The following MYO10 variants were observed in gnomAD, a reference collection of about 807,000 sequenced individuals.
MYO10 encodes the protein unconventional myosin-X.
MYO10 carries 133 observed loss-of-function variants against 257.3 expected under a neutral mutation model. The observed-to-expected ratio is 0.52, with a 90% confidence interval of 0.45 to 0.60. The LOEUF (loss-of-function observed/expected upper bound fraction) is 0.60. Among genes scored for constraint, MYO10 ranks in the 20% least tolerant of loss-of-function variants. MYO10 has a pLI of 0.00. For missense variants in MYO10, 2,399 were observed against 2,635.7 expected, an observed-to-expected ratio of 0.91 and a Z score of 1.97; for synonymous variants, 1,104 against 1,028.6, an observed-to-expected ratio of 1.07 and a Z score of -1.40.
chr5:16,771,543 A>G (rs1012663373), intron 9 of MYO10, among the ~76,000 whole-genome samples: 1 of 133,844 alleles, frequency 7.5e-6, no homozygotes, highest in African/African-American at 2.8e-5. Context: ...ACTTACTATT[A>G]TGATTTATTA....
chr5:16,905,910 T>C (rs936958005), intron 1 of MYO10, among the ~76,000 whole-genome samples: 2 of 152,102 alleles, frequency 1.3e-5, no homozygotes, highest in African/African-American at 4.8e-5. Context: ...CACTCAGTAA[T>C]TGCTAAGTCC....
intron 3 of MYO10, among the ~76,000 whole-genome samples, chr5:16,809,512 A>G (rs1218820859): frequency 6.6e-6 from 1 of 152,244 alleles, no homozygotes; most frequent in Non-Finnish European, 1.5e-5. Context: ...ACTTCCCTGC[A>G]GGTGAACTCT....
chr5:16,749,905 C>A (rs985443069), intron 19 of MYO10, among the ~76,000 whole-genome samples: 1 of 152,186 alleles, frequency 6.6e-6, no homozygotes, highest in Admixed American at 6.5e-5. Flanking sequence ...TAATGAGAGA[C>A]TTTTCTGCCT....
intron 6 of MYO10, among the ~76,000 whole-genome samples, chr5:16,781,343 G>C (rs1286462166): frequency 3.3e-5 from 5 of 152,154 alleles, no homozygotes; most frequent in African/African-American, 1.2e-4. Flanking sequence ...GCCTCCCACA[G>C]TGCTGGGATT....
At chr5:16,789,714 A>G (rs1265457083) in intron 4 of MYO10, among the ~76,000 whole-genome samples, 1 of 152,152 alleles carries the variant, frequency 6.6e-6, no homozygotes, top group Non-Finnish European at 1.5e-5. Context: ...AATTGCTTGA[A>G]CTTGGGAGGA....
At position 16,675,092 on chromosome 5, in the gene MYO10, G is replaced by A. The variant is rs537112555; in HGVS notation, c.4725C>T (p.Ser1575=). Reference sequence around the variant, plus strand: ...CAGACATGGACTCCAGTTGCTGCAGGGAATTGAATATCTTGATGGCCTCAT... The same window carrying A: ...CAGACATGGACTCCAGTTGCTGCAGAGAATTGAATATCTTGATGGCCTCAT... ...LQDEAIKIFN[S]LQQLESMSDP... The change falls in exon 35 of 41, where the codon TCC becomes TCT. Residue 1575 remains serine (S), a synonymous_variant. Transcript: ENST00000513610. 3.7e-6 allele frequency: 6 copies of A among 1,613,954 alleles called. No individual in the cohort carries two copies. The highest frequency in any genetic ancestry group is 3.3e-5 in the Admixed American group (2 of 60,018).
intron 29 of MYO10, among the ~76,000 whole-genome samples, chr5:16,684,950 G>A (rs1256110508): frequency 2.0e-5 from 3 of 152,100 alleles, no homozygotes; most frequent in African/African-American, 7.2e-5. Context: ...GGGAGGCTGA[G>A]GCAGGAGAAT....
Position 16,674,994 on chromosome 5 carries a change from C to G in MYO10, c.4823G>C (p.Cys1608Ser). 4.3e-6 allele frequency: 7 copies of G among 1,613,966 alleles called. No individual in the cohort carries two copies. The highest frequency in any genetic ancestry group is 5.9e-6 in the Non-Finnish European group (7 of 1,179,904). ...TTTGTTGGTCTGTTTGATAAGCTGG[C>G]AGTACAGCTCGTCCCGCAGAGGTCG... Reference protein sequence around the residue: ...DLRPLRDELYCQLIKQTNKVP... With the variant: ...DLRPLRDELYSQLIKQTNKVP... The change falls in exon 35 of 41, where the codon TGC becomes TCC. Residue 1608 changes from cysteine (C) to serine (S), a missense_variant. This residue lies in a region of MYO10 where 1,820 missense variants were observed against 1,939.4 expected (regional missense o/e 0.94). Coordinates refer to ENST00000513610, the MANE Select transcript of MYO10 (RefSeq NM_012334.3).
chr5:16,825,710 G>A (rs116481200), intron 2 of MYO10, among the ~76,000 whole-genome samples: 1,929 of 152,324 alleles, frequency 0.013, 43 homozygotes, highest in African/African-American at 0.044. Flanking sequence ...ACAGCCGGAT[G>A]CAGTGGCATA....
intron 1 of MYO10, among the ~76,000 whole-genome samples, chr5:16,928,369 A>G (rs1746195618): frequency 6.6e-6 from 1 of 151,912 alleles, no homozygotes; most frequent in Non-Finnish European, 1.5e-5. Flanking sequence ...TAATTTTTGG[A>G]TTTTATTAGA....
chr5:16,693,282 C>A (rs1046007998), intron 27 of MYO10, among the ~76,000 whole-genome samples: 5 of 152,132 alleles, frequency 3.3e-5, no homozygotes, highest in African/African-American at 1.2e-4. Flanking sequence ...ATCAATTGAT[C>A]TATAGACAGA....
At chr5:16,872,734 G>A (rs893964936) in intron 2 of MYO10, among the ~76,000 whole-genome samples, 32 of 152,164 alleles carry the variant, frequency 2.1e-4, no homozygotes, top group African/African-American at 6.3e-4. Context: ...GGCAGGAAGC[G>A]AAAGGCACTT....
At chr5:16,685,686 C>A in intron 29 of MYO10, 52 bp downstream of exon 29, 1 of 1,249,328 alleles carries the variant, frequency 8.0e-7, no homozygotes, top group Non-Finnish European at 1.1e-6. Context: ...TGACGCCCTC[C>A]CCGTCCCTGC....
intron 4 of MYO10, 98 bp from the exon 5 acceptor site, chr5:16,783,567 GT>G: frequency 2.3e-6 from 3 of 1,300,032 alleles, no homozygotes; most frequent in Non-Finnish European, 3.2e-6. Flanking sequence ...CAGAACAATG[GT>G]AGAAAGGTGG....
intron 2 of MYO10, among the ~76,000 whole-genome samples, chr5:16,863,251 G>A (rs1448819060): frequency 1.3e-5 from 2 of 152,228 alleles, no homozygotes; most frequent in African/African-American, 2.4e-5. Flanking sequence ...CCAGTAAATA[G>A]TCCTAACAGA....
intron 19 of MYO10, among the ~76,000 whole-genome samples, chr5:16,715,831 G>A (rs1323054288): frequency 6.6e-6 from 1 of 152,076 alleles, no homozygotes; most frequent in African/African-American, 2.4e-5. Context: ...CGAGGCAGGT[G>A]GATCACCTGA....
At chr5:16,773,676 A>G (rs1741123105) in intron 9 of MYO10, among the ~76,000 whole-genome samples, 1 of 151,826 alleles carries the variant, frequency 6.6e-6, no homozygotes, top group Non-Finnish European at 1.5e-5. Flanking sequence ...AAAAAAAAAA[A>G]AAGTGAAATA....
chr5:16,906,275 G>A (rs527697881), intron 1 of MYO10, among the ~76,000 whole-genome samples: 1 of 152,284 alleles, frequency 6.6e-6, no homozygotes, highest in East Asian at 1.9e-4. Flanking sequence ...CTCCTAGGAT[G>A]AAAAGAATTT....
intron 2 of MYO10, among the ~76,000 whole-genome samples, chr5:16,849,728 T>C (rs1296555164): frequency 2.0e-5 from 3 of 152,238 alleles, no homozygotes; most frequent in Non-Finnish European, 4.4e-5. Flanking sequence ...AGATACTTGT[T>C]CGCAAAATAC....
Sources: gnomAD v4.1 joint callset for allele counts (sites outside exome capture counted in the v4.1 genomes callset) on GRCh38, gnomAD v4.1.1 for gene constraint, gnomAD v4.1.1 regional missense constraint, MANE v1.5 for transcripts, NCBI Gene and HGNC (gene_info 2026-07-23, HGNC 2026-07-21) for gene names.